Variants in CSMD1 observed in about 807,000 individuals in gnomAD.
The protein encoded by CSMD1 is CUB and sushi domain-containing protein 1.
In CSMD1, 213 loss-of-function variants were observed where a neutral mutation model predicts 417.5. That is an observed-to-expected ratio of 0.51 (90% CI 0.46 to 0.57). The LOEUF (loss-of-function observed/expected upper bound fraction) is 0.57, where lower values mean the gene tolerates loss of function less well. Ranked by LOEUF, CSMD1 falls within the 20% of genes least tolerant of loss-of-function variation. The pLI, the probability that CSMD1 is intolerant of heterozygous loss-of-function variation, is 0.00. For synonymous variants in CSMD1, 2,862 were observed against 1,736.8 expected (o/e 1.65, Z -16.11); for missense variants, 6,923 against 4,529.7 (o/e 1.53, Z -15.17).
At chr8:2,944,985 G>C (rs576683120) in intron 68 of CSMD1, among the ~76,000 whole-genome samples, 1 of 152,170 alleles carries the variant, frequency 6.6e-6, no homozygotes, top group African/African-American at 2.4e-5. Flanking sequence ...GAAGGTGTTT[G>C]TGAATTACAT....
At chr8:4,934,593 T>A (rs1373834876) in intron 1 of CSMD1, among the ~76,000 whole-genome samples, 3 of 152,116 alleles carry the variant, frequency 2.0e-5, no homozygotes, top group African/African-American at 7.2e-5. Flanking sequence ...ACAGGCCCAA[T>A]ATAATGTCTA....
intron 1 of CSMD1, among the ~76,000 whole-genome samples, chr8:4,977,062 T>G (rs1343511391): frequency 6.6e-6 from 1 of 152,186 alleles, no homozygotes; most frequent in Non-Finnish European, 1.5e-5. Context: ...TATACAGCTT[T>G]TAGTATCAAC....
intron 3 of CSMD1, among the ~76,000 whole-genome samples, chr8:4,365,151 T>C (rs1162596178): frequency 6.6e-6 from 1 of 152,184 alleles, no homozygotes; most frequent in African/African-American, 2.4e-5. Context: ...CAGCATATCA[T>C]ATTTTTATTT....
At chr8:3,596,324 G>C (rs145150693) in intron 8 of CSMD1, among the ~76,000 whole-genome samples, 1 of 152,178 alleles carries the variant, frequency 6.6e-6, no homozygotes, top group African/African-American at 2.4e-5. Context: ...AGCAGCTGGA[G>C]CTAACCAGGT....
chr8:3,277,492 C>T (rs1184781371), intron 26 of CSMD1, among the ~76,000 whole-genome samples: 1 of 152,110 alleles, frequency 6.6e-6, no homozygotes, highest in Non-Finnish European at 1.5e-5. Context: ...ATAGGGACTC[C>T]ACTGAATGCA....
chr8:4,518,308 G>A (rs1475922665), intron 2 of CSMD1, among the ~76,000 whole-genome samples: 1 of 151,996 alleles, frequency 6.6e-6, no homozygotes, highest in African/African-American at 2.4e-5. Flanking sequence ...AGGTAAAAGC[G>A]CAAAGCTTCC....
At position 4,801,375 on chromosome 8, in the gene CSMD1, C is replaced by T. The variant is rs76631463; in HGVS notation, c.86-163817G>A. On this transcript the variant is annotated intron_variant, in intron 1 of 69. Transcript: ENST00000635120. Reference sequence around the variant, plus strand: ...GCTGCTGCCAGAACCCAGTACTGAGCAGATTCAAAGTGAGAGACACCCTCT... The same window carrying T: ...GCTGCTGCCAGAACCCAGTACTGAGTAGATTCAAAGTGAGAGACACCCTCT... 9.0e-3 allele frequency among the ~76,000 whole-genome samples: 1,373 copies of T among 152,086 alleles called. 15 individuals carry two copies. The highest frequency in any genetic ancestry group is 0.014 in the Non-Finnish European group (970 of 68,014).
At chr8:4,468,881 G>T (rs1235811305) in intron 2 of CSMD1, among the ~76,000 whole-genome samples, 3 of 152,068 alleles carry the variant, frequency 2.0e-5, no homozygotes, top group Non-Finnish European at 2.9e-5. Context: ...ACACTGCAAG[G>T]AATTTTAGAA....
chr8:3,141,043 A>G (rs1375113129), intron 41 of CSMD1, among the ~76,000 whole-genome samples: 2 of 152,270 alleles, frequency 1.3e-5, no homozygotes, highest in South Asian at 4.1e-4. Flanking sequence ...ATATGGATCA[A>G]CTCCGTGCAC....
At chr8:4,930,910 C>G (rs1807205758) in intron 1 of CSMD1, among the ~76,000 whole-genome samples, 1 of 152,164 alleles carries the variant, frequency 6.6e-6, no homozygotes, top group African/African-American at 2.4e-5. Flanking sequence ...ATCCCACCAT[C>G]TAACACAGTG....
chr8:3,242,468 C>T (rs1799601132), intron 26 of CSMD1, among the ~76,000 whole-genome samples: 1 of 152,130 alleles, frequency 6.6e-6, no homozygotes, highest in East Asian at 1.9e-4. Flanking sequence ...ACGTCAGGCA[C>T]CTCAGACCAT....
chr8:4,258,549 TGGAG>T (rs1290915678), intron 3 of CSMD1, among the ~76,000 whole-genome samples: 65 of 97,778 alleles, frequency 6.6e-4, no homozygotes, highest in Non-Finnish European at 1.2e-3. Flanking sequence ...AGTGGAACAA[TGGAG>T]GGAGGGAGGG....
rs77880887 is a variant in CSMD1, at chr8:4,405,513, C to T, written c.415+14440G>A. Reference sequence around the variant, plus strand: ...AGTCAATGTGCAACACCCAGCACAGCGGCTTAACAAAAAATTATAGTAAGT... The same window carrying T: ...AGTCAATGTGCAACACCCAGCACAGTGGCTTAACAAAAAATTATAGTAAGT... On this transcript the variant is annotated intron_variant, in intron 3 of 69. Transcript: ENST00000635120. Among the ~76,000 whole-genome samples the T allele has an allele frequency of 2.4e-4, 37 of 151,990 alleles. No homozygotes were observed. The East Asian group carries it at 4.1e-3, about 17-fold the overall frequency.
chr8:3,838,506 TATATA>T (rs199547268), intron 5 of CSMD1, among the ~76,000 whole-genome samples: 79 of 135,252 alleles, frequency 5.8e-4, no homozygotes, highest in African/African-American at 1.7e-3. Context: ...GCCTAGGCTA[TATATA>T]ATATAATATA....
chr8:3,756,523 C>A (rs939488151), intron 5 of CSMD1, among the ~76,000 whole-genome samples: 1 of 152,116 alleles, frequency 6.6e-6, no homozygotes, highest in Non-Finnish European at 1.5e-5. Context: ...ACCTTTTCCA[C>A]ATCAGATACG....
At chr8:4,621,508 A>T (rs1231958358) in intron 2 of CSMD1, among the ~76,000 whole-genome samples, 1 of 152,152 alleles carries the variant, frequency 6.6e-6, no homozygotes, top group Non-Finnish European at 1.5e-5. Context: ...ACCAGAAGAA[A>T]GAGACAATCT....
chr8:3,683,055 G>A (rs137964181), intron 7 of CSMD1, among the ~76,000 whole-genome samples: 3 of 151,906 alleles, frequency 2.0e-5, no homozygotes, highest in African/African-American at 4.8e-5. Flanking sequence ...GTGGGGTGGG[G>A]GTAGAGGGAA....
At chr8:3,511,558 C>T (rs1466585373) in intron 10 of CSMD1, among the ~76,000 whole-genome samples, 1 of 151,474 alleles carries the variant, frequency 6.6e-6, no homozygotes, top group Non-Finnish European at 1.5e-5. Flanking sequence ...AATTTGAGAT[C>T]AGCCCGGCCA....
chr8:4,625,393 T>C (rs914107251), intron 2 of CSMD1, among the ~76,000 whole-genome samples: 1 of 152,116 alleles, frequency 6.6e-6, no homozygotes, highest in African/African-American at 2.4e-5. Context: ...GTAAGAAACA[T>C]GCACTGCATT....
Sources: gnomAD v4.1 joint callset for allele counts (sites outside exome capture counted in the v4.1 genomes callset) on GRCh38, gnomAD v4.1.1 for gene constraint, MANE v1.5 for transcripts, NCBI Gene and HGNC (gene_info 2026-07-23, HGNC 2026-07-21) for gene names.